The following RASSF2 variants were observed in gnomAD, a reference collection of about 807,000 sequenced individuals.
RASSF2 encodes the protein ras association domain-containing protein 2.
Under a neutral mutation model 46.3 loss-of-function variants are expected in RASSF2, and 34 were observed. The ratio of observed to expected loss-of-function variants is 0.73; its 90% CI spans 0.56 to 0.98. The LOEUF is 0.98. RASSF2 is among the 50% of genes least tolerant of loss of function. The pLI is 0.00. For synonymous variants in RASSF2, 158 were observed against 162.5 expected, an observed-to-expected ratio of 0.97 and a Z score of 0.21; for missense variants, 364 against 431.2, an observed-to-expected ratio of 0.84 and a Z score of 1.38.
chr20:4,792,983 C>A, intron 5 of RASSF2: 1 of 230,748 alleles, frequency 4.3e-6, no homozygotes, highest in Non-Finnish European at 8.7e-6. Context: ...TGTATGGATT[C>A]TATGGCTTAC....
At chr20:4,801,467 A>T (rs570456362) in intron 2 of RASSF2, among the ~76,000 whole-genome samples, 3 of 152,196 alleles carry the variant, frequency 2.0e-5, no homozygotes, top group Non-Finnish European at 2.9e-5. Flanking sequence ...AACCACCTGA[A>T]AATGCCCAAA....
Position 4,800,662 on chromosome 20 carries a change from A to G in RASSF2, c.59+310T>C, listed in dbSNP as rs191785627. The stretch of plus-strand genomic sequence containing the variant: ...CACAAACATTCAGAAGATAGCGAAC[A>G]GCCACCAGCCAACTCCTCCTCCTGG... On this transcript the variant is annotated intron_variant, in intron 3 of 11. Transcript: ENST00000379400. Among the ~76,000 whole-genome samples, 8 of 152,246 alleles carry G rather than the reference A, an allele frequency of 5.3e-5. No individual in the cohort carries two copies. The East Asian group carries it at 1.5e-3, about 29-fold the overall frequency.
chr20:4,782,032 T>G lies in RASSF2; in HGVS notation c.*2241A>C, dbSNP rs935014967. ...TGGTCTGCATTACGTGGAAGTGTGT[T>G]GTGTGAGATGGGATCTCCTCTCACT... On this transcript the variant is annotated 3_prime_UTR_variant, in exon 12 of 12. Transcript: ENST00000379400. 2.0e-5 allele frequency: 3 copies of G among 152,198 alleles called. No individual in the cohort carries two copies. Among genetic ancestry groups the G allele is most frequent in the Non-Finnish European group, 4.4e-5 (3 of 68,042 alleles). 9.4% of individuals were successfully genotyped at this position (152,198 alleles called of 1,614,324 possible).
chr20:4,821,840 G>GCC (rs5840057), intron 2 of RASSF2, among the ~76,000 whole-genome samples: 133,371 of 152,178 alleles, frequency 0.88, 58,649 homozygotes, highest in African/African-American at 0.94. Flanking sequence ...GACTGCCACA[G>GCC]CCTAGGCATC....
intron 8 of RASSF2, 29 bp from the exon 9 acceptor site, chr20:4,788,297 A>G: frequency 6.3e-7 from 1 of 1,588,076 alleles, no homozygotes; most frequent in Non-Finnish European, 8.6e-7. Context: ...ATTCTTGTTG[A>G]AAGTTTCTAT....
At chr20:4,787,409 C>A (rs1269237594) in intron 10 of RASSF2, among the ~76,000 whole-genome samples, 1 of 152,188 alleles carries the variant, frequency 6.6e-6, no homozygotes, top group African/African-American at 2.4e-5. Flanking sequence ...TGCTACTAGA[C>A]CACAGAATCA....
At chr20:4,813,582 T>C (rs1885302) in intron 2 of RASSF2, among the ~76,000 whole-genome samples, 133,428 of 152,262 alleles carry the variant, frequency 0.88, 58,785 homozygotes, top group African/African-American at 0.95. Flanking sequence ...GAAGCCCCAC[T>C]GGCATCCACA....
At chr20:4,810,732 A>G (rs1927719182) in intron 2 of RASSF2, among the ~76,000 whole-genome samples, 1 of 152,174 alleles carries the variant, frequency 6.6e-6, no homozygotes, top group South Asian at 2.1e-4. Flanking sequence ...AGCAGGGGCC[A>G]GGCCCCAACC....
chr20:4,791,753 A>G (rs1394463601), intron 6 of RASSF2, among the ~76,000 whole-genome samples: 1 of 152,248 alleles, frequency 6.6e-6, no homozygotes, highest in Non-Finnish European at 1.5e-5. Context: ...CGTTTGTCAT[A>G]GCAGAGGCTG....
intron 2 of RASSF2, among the ~76,000 whole-genome samples, chr20:4,803,969 G>C (rs1435944358): frequency 6.6e-6 from 1 of 151,834 alleles, no homozygotes; most frequent in African/African-American, 2.4e-5. Context: ...GAGGCAGGAG[G>C]ATAAATTGGG....
chr20:4,820,296 G>A (rs541904121), intron 2 of RASSF2, among the ~76,000 whole-genome samples: 4 of 152,262 alleles, frequency 2.6e-5, no homozygotes, highest in Admixed American at 2.0e-4. Context: ...CTTGAGGCCA[G>A]GTGTTTGAGA....
chr20:4,796,509 G>A (rs1240269709), intron 4 of RASSF2, among the ~76,000 whole-genome samples: 1 of 152,216 alleles, frequency 6.6e-6, no homozygotes, highest in Non-Finnish European at 1.5e-5. Context: ...GTGATCATGA[G>A]CTGGGAGAGG....
Position 4,821,484 on chromosome 20 carries a change from C to A in RASSF2, c.-33+845G>T, listed in dbSNP as rs1251380146. Among the ~76,000 whole-genome samples, 3 of 152,172 alleles carry A rather than the reference C, an allele frequency of 2.0e-5. No homozygotes were observed. The East Asian group carries it at 5.8e-4, about 29-fold the overall frequency. On this transcript the variant is annotated intron_variant, in intron 2 of 11. Coordinates refer to ENST00000379400, the MANE Select transcript of RASSF2 (RefSeq NM_014737.3). The stretch of plus-strand genomic sequence containing the variant: ...GATCCCTGGTCTCCTCTCAGCCAGG[C>A]TCCTCAAAGGGGCCATCACCATTCC...
At chr20:4,792,164 T>G (rs1925930412) in intron 6 of RASSF2, among the ~76,000 whole-genome samples, 1 of 150,070 alleles carries the variant, frequency 6.7e-6, no homozygotes, top group African/African-American at 2.5e-5. Context: ...GGTGGGAGGA[T>G]CACTTGAACC....
In RASSF2 at chr20:4,784,228, G is replaced by A. The variant is rs757197801; in HGVS notation, c.*45C>T. On this transcript the variant is annotated 3_prime_UTR_variant, in exon 12 of 12. Coordinates refer to ENST00000379400, the MANE Select transcript of RASSF2 (RefSeq NM_014737.3). ...GCCTAGCTTCCTGGGGGTCTTATGG[G>A]CAATGGCGGTTCCTGGGGTGCCCAG... is the stretch of plus-strand genomic sequence containing the variant. 1.3e-6 allele frequency: 2 copies of A among 1,556,344 alleles called. No individual in the cohort carries two copies. The highest frequency in any genetic ancestry group is 1.8e-6 in the Non-Finnish European group (2 of 1,127,494).
chr20:4,803,943 A>G (rs1444295840), intron 2 of RASSF2, among the ~76,000 whole-genome samples: 1 of 152,032 alleles, frequency 6.6e-6, no homozygotes, highest in Non-Finnish European at 1.5e-5. Context: ...CTCTGGTCCC[A>G]GCTACTAGGC....
chr20:4,816,012 T>A (rs970872741), intron 2 of RASSF2, among the ~76,000 whole-genome samples: 3 of 152,262 alleles, frequency 2.0e-5, no homozygotes, highest in Admixed American at 6.5e-5. Context: ...TTTTATTTTT[T>A]AAATATAGGT....
In RASSF2 at chr20:4,807,180, G is replaced by A. The variant is rs186089417; in HGVS notation, c.-32-6118C>T. On this transcript the variant is annotated intron_variant, in intron 2 of 11. Coordinates refer to ENST00000379400, the MANE Select transcript of RASSF2 (RefSeq NM_014737.3). ...TTTTTAAAATATCACTAGAGAATTC[G>A]CTGGCGTTTGGAAGGGGGAAGACAG... 3.4e-4 allele frequency among the ~76,000 whole-genome samples: 52 copies of A among 152,238 alleles called. No individual in the cohort carries two copies. The East Asian group carries it at 4.8e-3, about 14-fold the overall frequency.
intron 8 of RASSF2, among the ~76,000 whole-genome samples, chr20:4,788,812 G>GTCC (rs1398624564): frequency 1.3e-5 from 2 of 152,216 alleles, no homozygotes; most frequent in Non-Finnish European, 2.9e-5. Context: ...ATAGATAACA[G>GTCC]CTATCGTCTA....
Sources: gnomAD v4.1 joint callset for allele counts (sites outside exome capture counted in the v4.1 genomes callset) on GRCh38, gnomAD v4.1.1 for gene constraint, MANE v1.5 for transcripts, NCBI Gene and HGNC (gene_info 2026-07-23, HGNC 2026-07-21) for gene names.